The following LRP1B variants were observed in gnomAD, a reference collection of about 807,000 sequenced individuals.
LRP1B encodes low-density lipoprotein receptor-related protein 1B.
In LRP1B, 217 loss-of-function variants were observed where a neutral mutation model predicts 556.6. The observed-to-expected ratio is 0.39, with a 90% CI of 0.35 to 0.44. The LOEUF is 0.44. Ranked by LOEUF, LRP1B falls within the 20% of genes least tolerant of loss-of-function variation. The pLI, the probability that LRP1B is intolerant of heterozygous loss-of-function variation, is 1.00. For synonymous variants in LRP1B, 2,047 were observed against 1,865.8 expected (o/e 1.10, Z -2.50); for missense variants, 5,053 against 5,620.8 (o/e 0.90, Z 3.23).
intron 31 of LRP1B, among the ~76,000 whole-genome samples, chr2:140,833,183 A>AGAAT (rs370222343): frequency 0.013 from 2,002 of 152,242 alleles, 38 homozygotes; most frequent in African/African-American, 0.045. Context: ...AATGGGTTAG[A>AGAAT]GAATGAATGA....
chr2:141,267,938 A>T (rs1273185319), intron 3 of LRP1B, among the ~76,000 whole-genome samples: 1 of 152,246 alleles, frequency 6.6e-6, no homozygotes, highest in African/African-American at 2.4e-5. Context: ...TTGCTAGCAA[A>T]ATTTTGATTT....
At chr2:140,238,840 C>T (rs913148156) in intron 88 of LRP1B, among the ~76,000 whole-genome samples, 10 of 150,820 alleles carry the variant, frequency 6.6e-5, no homozygotes, top group African/African-American at 2.2e-4. Flanking sequence ...TTTCATTTCC[C>T]GCCCTTCTAA....
At chr2:141,409,986 G>T (rs1690791603) in intron 3 of LRP1B, among the ~76,000 whole-genome samples, 1 of 151,966 alleles carries the variant, frequency 6.6e-6, no homozygotes, top group African/African-American at 2.4e-5. Flanking sequence ...GAGTTATGTA[G>T]AAAAAGAAAA....
At chr2:141,364,141 A>C (rs1265004787) in intron 3 of LRP1B, among the ~76,000 whole-genome samples, 1 of 152,124 alleles carries the variant, frequency 6.6e-6, no homozygotes, top group Non-Finnish European at 1.5e-5. Flanking sequence ...ACCTCGATCA[A>C]TTACATTTGA....
intron 7 of LRP1B, among the ~76,000 whole-genome samples, chr2:141,098,430 A>G (rs1199638054): frequency 6.6e-6 from 1 of 152,164 alleles, no homozygotes; most frequent in Non-Finnish European, 1.5e-5. Flanking sequence ...CACTGTTTTT[A>G]TTATGTAAAA....
chr2:140,238,251 AT>A lies in LRP1B; in HGVS notation c.13460del (p.Asn4487MetfsTer2). The stretch of plus-strand genomic sequence containing the variant: ...TATAAGATGGATTGCCAATTTCTAC[AT>A]TTATTCCTCCATTGATAATAGGTTG... Reference protein sequence around the residue: ...RRQPIINGGINVEIGNPSYNM... With the variant: ...RRQPIINGGIXVEIGNPSYNM... On this transcript the variant is annotated frameshift_variant, in exon 89 of 91. Transcript: ENST00000389484. LOFTEE classifies it high-confidence loss of function. 6.3e-7 allele frequency: 1 copy of A among 1,575,462 alleles called. No homozygotes were observed. The highest frequency in any genetic ancestry group is 8.7e-7 in the Non-Finnish European group (1 of 1,147,256).
intron 40 of LRP1B, among the ~76,000 whole-genome samples, 189 bp downstream of exon 40, chr2:140,701,532 G>A (rs984751912): frequency 3.3e-5 from 5 of 151,884 alleles, no homozygotes; most frequent in African/African-American, 4.8e-5. Flanking sequence ...GGGCAAATAC[G>A]CTTTTGTATG....
intron 2 of LRP1B, among the ~76,000 whole-genome samples, chr2:141,561,941 A>G (rs1017306692): frequency 1.3e-5 from 2 of 151,916 alleles, no homozygotes; most frequent in Non-Finnish European, 2.9e-5. Context: ...ACCATCTCCT[A>G]TGTTTTACTT....
intron 1 of LRP1B, among the ~76,000 whole-genome samples, chr2:141,811,172 A>G (rs1052691305): frequency 1.3e-5 from 2 of 152,118 alleles, no homozygotes; most frequent in African/African-American, 4.8e-5. Flanking sequence ...GAATCCCTTT[A>G]CAAACTAATT....
chr2:140,712,561 C>G (rs1430665340), intron 37 of LRP1B, among the ~76,000 whole-genome samples: 2 of 151,880 alleles, frequency 1.3e-5, no homozygotes, highest in Non-Finnish European at 2.9e-5. Flanking sequence ...AGTTTATTTC[C>G]CCTTTGCCTA....
intron 43 of LRP1B, among the ~76,000 whole-genome samples, chr2:140,587,819 CAAG>C (rs35856125): frequency 0.016 from 2,497 of 152,112 alleles, 67 homozygotes; most frequent in African/African-American, 0.055. Flanking sequence ...AAACTAGAGA[CAAG>C]AAGCAAATCT....
intron 3 of LRP1B, among the ~76,000 whole-genome samples, chr2:141,314,883 T>C (rs190695157): frequency 0.05 from 5,911 of 119,012 alleles, 138 homozygotes; most frequent in South Asian, 0.11. Context: ...TACATACATA[T>C]ATACATATAT....
chr2:140,772,194 T>C (rs1450063643), intron 33 of LRP1B, among the ~76,000 whole-genome samples: 2 of 152,030 alleles, frequency 1.3e-5, no homozygotes, highest in Non-Finnish European at 2.9e-5. Context: ...ATTAACTGAT[T>C]CATTCCACAT....
intron 6 of LRP1B, among the ~76,000 whole-genome samples, chr2:141,217,140 G>C (rs1272933663): frequency 6.6e-6 from 1 of 152,110 alleles, no homozygotes; most frequent in African/African-American, 2.4e-5. Context: ...TCCAACGTTG[G>C]AGGTGGGTCC....
intron 7 of LRP1B, among the ~76,000 whole-genome samples, chr2:141,158,803 T>C (rs1702130632): frequency 6.6e-6 from 1 of 152,100 alleles, no homozygotes; most frequent in Non-Finnish European, 1.5e-5. Context: ...ACAGATAATT[T>C]TGAGTGCCAG....
chr2:141,827,998 T>G (rs1265340062), intron 1 of LRP1B, among the ~76,000 whole-genome samples: 1 of 151,968 alleles, frequency 6.6e-6, no homozygotes, highest in Non-Finnish European at 1.5e-5. Flanking sequence ...CAACAGGCAG[T>G]GCAACATTAT....
intron 35 of LRP1B, among the ~76,000 whole-genome samples, chr2:140,722,302 C>T (rs1412204021): frequency 6.6e-6 from 1 of 152,036 alleles, no homozygotes; most frequent in Non-Finnish European, 1.5e-5. Flanking sequence ...CTTTATTTTC[C>T]ATGTCTTAGA....
intron 3 of LRP1B, among the ~76,000 whole-genome samples, chr2:141,318,116 T>C (rs1225942702): frequency 6.6e-6 from 1 of 152,200 alleles, no homozygotes; most frequent in Non-Finnish European, 1.5e-5. Context: ...ATAGGATTTA[T>C]GTTGAACAAC....
At chr2:141,732,291 T>C (rs1693303234) in intron 2 of LRP1B, among the ~76,000 whole-genome samples, 1 of 152,182 alleles carries the variant, frequency 6.6e-6, no homozygotes. Flanking sequence ...GAGTAGATAG[T>C]AGGACATAGA....
Sources: gnomAD v4.1 joint callset for allele counts (sites outside exome capture counted in the v4.1 genomes callset) on GRCh38, gnomAD v4.1.1 for gene constraint, MANE v1.5 for transcripts, NCBI Gene and HGNC (gene_info 2026-07-23, HGNC 2026-07-21) for gene names.